The following CPXM2 variants were observed in gnomAD, a reference collection of about 807,000 sequenced individuals.
CPXM2 encodes inactive carboxypeptidase-like protein X2.
In CPXM2, 66 loss-of-function variants were observed where a neutral mutation model predicts 86.1. That is an observed-to-expected ratio of 0.77 (90% CI 0.63 to 0.94). CPXM2 has a LOEUF of 0.94. CPXM2 is among the 40% of genes least tolerant of loss of function. CPXM2 has a pLI of 0.00. For missense variants in CPXM2, 948 were observed against 1,026.3 expected (o/e 0.92, Z 1.04); for synonymous variants, 388 against 400.2 (o/e 0.97, Z 0.36).
At chr10:123,782,412 C>T (rs555554369) in intron 6 of CPXM2, among the ~76,000 whole-genome samples, 7 of 152,264 alleles carry the variant, frequency 4.6e-5, no homozygotes, top group Admixed American at 1.3e-4. Context: ...AAACTGAGAG[C>T]CCTAAGTACA....
At chr10:123,813,535 T>C (rs1313138434) in intron 4 of CPXM2, among the ~76,000 whole-genome samples, 1 of 152,200 alleles carries the variant, frequency 6.6e-6, no homozygotes, top group Non-Finnish European at 1.5e-5. Context: ...TGCGTAGTAA[T>C]TGTTCTTGGT....
At chr10:123,893,888 C>T (rs376919168), upstream of CPXM2, among the ~76,000 whole-genome samples, 5 of 152,216 alleles carry the variant, frequency 3.3e-5, no homozygotes, top group South Asian at 2.1e-4. Context: ...CAGGCCAGGA[C>T]GGTGCCCTGC....
rs1564753944 is a variant in CPXM2, at chr10:123,761,855, C to T, written c.1777+17G>A. Reference sequence around the variant, plus strand: ...CTCCTGCGCCCGCAGCCCACTCTCCCCCAGAGGGAGGCTTACTTCCAGCGA... The same window carrying T: ...CTCCTGCGCCCGCAGCCCACTCTCCTCCAGAGGGAGGCTTACTTCCAGCGA... On this transcript the variant is annotated intron_variant, in intron 11 of 13. Transcript: ENST00000241305. 1.2e-6 allele frequency: 2 copies of T among 1,610,054 alleles called. No individual in the cohort carries two copies. Among genetic ancestry groups the T allele is most frequent in the South Asian group, 1.1e-5 (1 of 90,554 alleles).
intron 2 of CPXM2, among the ~76,000 whole-genome samples, chr10:123,934,630 C>A (rs1290929924): frequency 6.6e-6 from 1 of 152,104 alleles, no homozygotes; most frequent in African/African-American, 2.4e-5. Context: ...CCTCTTCAAC[C>A]CACTGTAAAC....
intron 13 of CPXM2, chr10:123,749,978 G>GTTTTTTT: frequency 1.6e-5 from 2 of 122,232 alleles, no homozygotes; most frequent in Non-Finnish European, 2.9e-5. Context: ...GCTAATTTTT[G>GTTTTTTT]TTTTTTTTTT....
intron 2 of CPXM2, among the ~76,000 whole-genome samples, chr10:123,907,538 G>C (rs1339731034): frequency 7.1e-6 from 1 of 141,450 alleles, no homozygotes; most frequent in Non-Finnish European, 1.5e-5. Context: ...GTCCCACCCT[G>C]ACCCTACTGG....
Position 123,885,036 on chromosome 10 carries a change from A to G in CPXM2, c.305-4727T>C, listed in dbSNP as rs752933657. 9.2e-5 allele frequency among the ~76,000 whole-genome samples: 14 copies of G among 152,246 alleles called. No individual in the cohort carries two copies. Among genetic ancestry groups the G allele is most frequent in the Non-Finnish European group, 1.3e-4 (9 of 68,032 alleles). ...GTGCAGGGAGCTGTTGGTACCTGCC[A>G]GTCTCATCTTAGATTCCACCTGGAA... On this transcript the variant is annotated intron_variant, in intron 1 of 13. Transcript: ENST00000241305. This position sits in a 1 kb window ranked among gnomAD's most constrained non-coding sequence, Gnocchi z 4.0.
chr10:123,791,765 C>T (rs956608197), intron 6 of CPXM2, among the ~76,000 whole-genome samples: 1 of 152,184 alleles, frequency 6.6e-6, no homozygotes, highest in African/African-American at 2.4e-5. Context: ...TCTACAAGGA[C>T]CCTGTTTCTA....
chr10:123,769,054 T>C (rs1038818264), intron 8 of CPXM2, among the ~76,000 whole-genome samples: 13 of 152,200 alleles, frequency 8.5e-5, no homozygotes, highest in African/African-American at 2.4e-5. Flanking sequence ...AATCAGTGCC[T>C]CTCTTTTGGG....
chr10:123,880,408 C>T, intron 1 of CPXM2, 99 bp from the exon 2 acceptor site: 2 of 680,438 alleles, frequency 2.9e-6, no homozygotes, highest in Non-Finnish European at 5.4e-6. Flanking sequence ...CAGCCATCTC[C>T]CCTTCTGCTC....
At chr10:123,797,854 CT>C in intron 6 of CPXM2, 121 bp downstream of exon 6, 2 of 979,596 alleles carry the variant, frequency 2.0e-6, no homozygotes, top group South Asian at 1.0e-4. Context: ...TCCCAAAATG[CT>C]GGGATTACAG....
intron 3 of CPXM2, among the ~76,000 whole-genome samples, chr10:123,857,756 C>T (rs566198647): frequency 1.7e-3 from 262 of 152,328 alleles, no homozygotes; most frequent in African/African-American, 5.9e-3. Flanking sequence ...GCCCCACTGA[C>T]GCCGAGGAAC....
intron 6 of CPXM2, among the ~76,000 whole-genome samples, chr10:123,794,362 C>T (rs112960717): frequency 8.5e-5 from 13 of 152,344 alleles, no homozygotes; most frequent in African/African-American, 2.4e-4. Context: ...GGGGCTCAAG[C>T]ACTGCCACCC....
chr10:123,856,740 T>G (rs1312574055), intron 3 of CPXM2, among the ~76,000 whole-genome samples: 3 of 152,048 alleles, frequency 2.0e-5, no homozygotes, highest in Non-Finnish European at 4.4e-5. Flanking sequence ...TACAGGCGTG[T>G]GCCACCACGC....
exon 1 of CPXM2, chr10:123,940,207 GCTT>G (rs1945761678): frequency 6.6e-6 from 1 of 152,292 alleles, no homozygotes; most frequent in African/African-American, 2.4e-5. Flanking sequence ...GCAGCCTGAT[GCTT>G]CTTCTTCCCT....
intron 3 of CPXM2, among the ~76,000 whole-genome samples, chr10:123,856,418 C>T (rs1459392231): frequency 6.6e-6 from 1 of 152,180 alleles, no homozygotes; most frequent in African/African-American, 2.4e-5. Flanking sequence ...GTCCCCGAAC[C>T]CCCTTCCTTA....
At chr10:123,887,608 T>A (rs1224900415) in intron 1 of CPXM2, among the ~76,000 whole-genome samples, 8 of 151,362 alleles carry the variant, frequency 5.3e-5, no homozygotes, top group African/African-American at 1.9e-4. Context: ...GGGGGGAGGG[T>A]GCTACTGGCA....
intron 6 of CPXM2, among the ~76,000 whole-genome samples, chr10:123,783,584 C>T (rs1282433896): frequency 6.6e-6 from 1 of 152,164 alleles, no homozygotes; most frequent in Non-Finnish European, 1.5e-5. Context: ...TGTGTGTGGC[C>T]AACCTGCCAG....
intron 7 of CPXM2, among the ~76,000 whole-genome samples, chr10:123,774,381 T>C (rs574484181): frequency 2.6e-5 from 4 of 152,376 alleles, no homozygotes; most frequent in Non-Finnish European, 4.4e-5. Flanking sequence ...TTGTAAAGTG[T>C]AGATAAACAA....
Sources: allele counts gnomAD v4.1 joint callset (sites outside exome capture counted in the v4.1 genomes callset), GRCh38; gene constraint gnomAD v4.1.1; non-coding constraint Gnocchi (gnomAD v3.1); transcripts MANE v1.5; gene names NCBI Gene and HGNC (gene_info 2026-07-23, HGNC 2026-07-21).